The following KCNB2 variants were observed in gnomAD, a reference collection of about 807,000 sequenced individuals.
KCNB2 encodes the protein delayed rectifier potassium channel protein.
KCNB2 carries 15 observed loss-of-function variants against 61.5 expected under a neutral mutation model. The ratio of observed to expected loss-of-function variants is 0.24; its 90% CI spans 0.16 to 0.38. The LOEUF is 0.38. Ranked by LOEUF, KCNB2 falls within the 10% of genes least tolerant of loss-of-function variation. KCNB2 has a pLI of 1.00. For synonymous variants in KCNB2, 457 were observed against 446.0 expected (o/e 1.02, Z -0.31); for missense variants, 828 against 1,125.2 (o/e 0.74, Z 3.78).
intron 2 of KCNB2, among the ~76,000 whole-genome samples, chr8:72,710,223 C>T (rs1807303223): frequency 1.3e-5 from 2 of 152,286 alleles, no homozygotes; most frequent in East Asian, 1.9e-4. Context: ...CTCAGAGACC[C>T]TAACACAAAG....
chr8:72,743,045 T>A lies in KCNB2; in HGVS notation c.579+174732T>A, dbSNP rs114568490. On this transcript the variant is annotated intron_variant, in intron 2 of 2. Transcript: ENST00000523207. ...GGCAGATGACGACTCTTAGTCATAT[T>A]TTATTTTTAATGAAGTGCAGTCTAC... Among the ~76,000 whole-genome samples the A allele has an allele frequency of 3.4e-3, 513 of 152,320 alleles. 5 individuals carry two copies. The highest frequency in any genetic ancestry group is 0.011 in the African/African-American group (470 of 41,566).
intron 2 of KCNB2, among the ~76,000 whole-genome samples, chr8:72,898,873 C>A (rs946912802): frequency 7.2e-5 from 11 of 152,120 alleles, no homozygotes; most frequent in African/African-American, 2.7e-4. Flanking sequence ...GTTTAGCTCC[C>A]ACTTGTGAGA....
intron 2 of KCNB2, among the ~76,000 whole-genome samples, chr8:72,570,399 C>G (rs1277717586): frequency 6.6e-6 from 1 of 151,886 alleles, no homozygotes; most frequent in Admixed American, 6.6e-5. Flanking sequence ...CTACATTTTC[C>G]TCTCTGTTTG....
intron 2 of KCNB2, among the ~76,000 whole-genome samples, chr8:72,602,132 C>T (rs1202283739): frequency 2.0e-5 from 3 of 152,138 alleles, no homozygotes; most frequent in Non-Finnish European, 4.4e-5. Context: ...TTCTATTTAG[C>T]TTAGAAGTTT....
At chr8:72,893,157 G>A (rs1805929348) in intron 2 of KCNB2, among the ~76,000 whole-genome samples, 1 of 150,670 alleles carries the variant, frequency 6.6e-6, no homozygotes, top group Non-Finnish European at 1.5e-5. Context: ...TATTTATGAA[G>A]AGATTTTGTT....
At chr8:72,559,334 A>G (rs199731530) in intron 1 of KCNB2, among the ~76,000 whole-genome samples, 1 of 151,774 alleles carries the variant, frequency 6.6e-6, no homozygotes, top group Non-Finnish European at 1.5e-5. Context: ...TAGTAGAGAC[A>G]GGGTTTCACC....
chr8:72,901,802 G>A (rs1279366140), intron 2 of KCNB2, among the ~76,000 whole-genome samples: 1 of 152,118 alleles, frequency 6.6e-6, no homozygotes, highest in African/African-American at 2.4e-5. Flanking sequence ...GCACTATTTT[G>A]CATTCCCATC....
chr8:72,562,142 A>G (rs986573282), intron 1 of KCNB2, among the ~76,000 whole-genome samples: 1 of 152,134 alleles, frequency 6.6e-6, no homozygotes, highest in Non-Finnish European at 1.5e-5. Context: ...ATGAAATGTT[A>G]AACATCACTT....
At chr8:72,814,907 A>C (rs189340391) in intron 2 of KCNB2, among the ~76,000 whole-genome samples, 1 of 152,178 alleles carries the variant, frequency 6.6e-6, no homozygotes. Context: ...GAGCTATGAT[A>C]ATAACTAGAA....
intron 2 of KCNB2, among the ~76,000 whole-genome samples, chr8:72,718,937 AT>A (rs1206149987): frequency 1.3e-5 from 2 of 152,058 alleles, no homozygotes; most frequent in Non-Finnish European, 1.5e-5. Context: ...ATAAGGCGAG[AT>A]TTTTTTCCCC....
At chr8:72,660,785 C>A (rs1183827360) in intron 2 of KCNB2, 1 of 152,090 alleles carries the variant, frequency 6.6e-6, no homozygotes, top group African/African-American at 2.4e-5. Flanking sequence ...ATAGATTCGC[C>A]TCTGTTTTTA....
intron 1 of KCNB2, among the ~76,000 whole-genome samples, chr8:72,551,050 C>T (rs1563520354): frequency 1.3e-5 from 2 of 152,254 alleles, no homozygotes; most frequent in South Asian, 4.2e-4. Context: ...CTCAGGAAGA[C>T]AGGGTGATGT....
At chr8:72,538,725 A>G (rs1806150525) in intron 1 of KCNB2, among the ~76,000 whole-genome samples, 2 of 152,164 alleles carry the variant, frequency 1.3e-5, no homozygotes, top group East Asian at 1.9e-4. Flanking sequence ...AGTAATGTCA[A>G]GATTTTAAGT....
intron 2 of KCNB2, among the ~76,000 whole-genome samples, chr8:72,688,107 A>G (rs1021612349): frequency 2.0e-4 from 30 of 152,138 alleles, no homozygotes; most frequent in Non-Finnish European, 2.5e-4. Context: ...GCACCGCTGT[A>G]TTTGCAGCTC....
At chr8:72,591,366 A>G (rs1401375389) in intron 2 of KCNB2, among the ~76,000 whole-genome samples, 2 of 152,196 alleles carry the variant, frequency 1.3e-5, no homozygotes, top group East Asian at 3.8e-4. Flanking sequence ...AGATTTCTTT[A>G]CAAATATGTA....
intron 2 of KCNB2, among the ~76,000 whole-genome samples, chr8:72,596,836 A>G (rs1183594794): frequency 6.6e-6 from 1 of 151,946 alleles, no homozygotes. Context: ...TCCAAATATC[A>G]CATGCATGAT....
intron 2 of KCNB2, among the ~76,000 whole-genome samples, chr8:72,728,413 C>A (rs1189787100): frequency 6.6e-6 from 1 of 152,128 alleles, no homozygotes; most frequent in African/African-American, 2.4e-5. Flanking sequence ...TTTCTTTGAT[C>A]TATACATTCA....
intron 2 of KCNB2, among the ~76,000 whole-genome samples, chr8:72,712,735 C>T (rs1807346081): frequency 1.3e-5 from 2 of 152,308 alleles, no homozygotes; most frequent in South Asian, 2.1e-4. Context: ...CCAGCATGAG[C>T]AACACAGAAG....
rs1554576173 is a variant in KCNB2, at chr8:72,561,792, T to TATAC, written c.-93-5847_-93-5846insCATA. On this transcript the variant is annotated intron_variant, in intron 1 of 2. Transcript: ENST00000523207. ...ATATATATATGGATATATATATACA[T>TATAC]ATATATATATATGAATGATAGTTTT... Among the ~76,000 whole-genome samples the TATAC allele has an allele frequency of 3.4e-5, 3 of 88,890 alleles. 1 individual carries two copies. Among genetic ancestry groups the TATAC allele is most frequent in the African/African-American group, 1.4e-4 (3 of 20,998 alleles). 58.3% of individuals were successfully genotyped at this position (88,890 alleles called of 152,430 possible). A position where few individuals can be genotyped will look rare whatever the true frequency, so the allele number is the denominator to read the frequency against.
Sources: gnomAD v4.1 joint callset for allele counts (sites outside exome capture counted in the v4.1 genomes callset) on GRCh38, gnomAD v4.1.1 for gene constraint, MANE v1.5 for transcripts, NCBI Gene and HGNC (gene_info 2026-07-23, HGNC 2026-07-21) for gene names.